The following ISG20L2 variants were observed in gnomAD, a reference collection of about 807,000 sequenced individuals.
ISG20L2 encodes the protein interferon stimulated exonuclease gene 20 like 2, also known as interferon-stimulated 20 kDa exonuclease-like 2.
A neutral mutation model predicts 27.8 loss-of-function variants in ISG20L2; 14 were observed. The ratio of observed to expected loss-of-function variants is 0.50; its 90% CI spans 0.33 to 0.79. ISG20L2 has a LOEUF of 0.79. Among genes scored for constraint, ISG20L2 ranks in the 30% least tolerant of loss-of-function variants. The pLI is 0.02. For missense variants in ISG20L2, 393 were observed against 435.1 expected (o/e 0.90, Z 0.86); for synonymous variants, 157 against 165.7 (o/e 0.95, Z 0.40).
At position 156,722,810 on chromosome 1, in the gene ISG20L2, T is replaced by C. The variant is rs898701187; in HGVS notation, c.*539A>G. 6.6e-6 allele frequency: 1 copy of C among 152,112 alleles called. No homozygotes were observed. The highest frequency in any genetic ancestry group is 1.5e-5 in the Non-Finnish European group (1 of 68,260). The allele number at this position is 152,112 out of a possible 1,614,324, so 9.4% of individuals were successfully genotyped here. On this transcript the variant is annotated 3_prime_UTR_variant, in exon 4 of 4. Transcript: ENST00000368219. ...TAGTAGAGAACGGGAATTCGCCATG[T>C]TGGCCAGGCTGGTCTTGAACTCCTG...
At position 156,727,336 on chromosome 1, in the gene ISG20L2, G is replaced by A; in HGVS notation, c.317C>T (p.Ser106Leu). 1 of 1,614,118 alleles carries A rather than the reference G, an allele frequency of 6.2e-7. No homozygotes were observed. The highest frequency in any genetic ancestry group is 2.2e-5 in the East Asian group (1 of 44,878). Residue 106 changes from serine (S) to leucine (L), a missense_variant, in exon 2 of 4, where the codon TCA (serine) becomes TTA (leucine). This residue lies in a region of ISG20L2 where 183 missense variants were observed against 168.2 expected (regional missense o/e 1.09). Transcript: ENST00000368219. ...AAVSWLTPAPSKKADSVAAKV... is the reference protein window; with the variant it reads ...AAVSWLTPAPLKKADSVAAKV... ...AGCAGCAACAGAATCAGCCTTTTTTGAAGGGGCAGGGGTCAACCAAGACAC... is the reference window on the plus strand; with the variant it reads ...AGCAGCAACAGAATCAGCCTTTTTTAAAGGGGCAGGGGTCAACCAAGACAC...
rs796722909 is a variant in ISG20L2, at chr1:156,724,957, G to GT, written c.748-610dup. 8.1e-3 allele frequency: 1,173 copies of GT among 145,158 alleles called. 6 individuals are homozygous for GT. Among genetic ancestry groups the GT allele is most frequent in the South Asian group, 0.016 (74 of 4,566 alleles). The allele number at this position is 145,158 out of a possible 1,614,324, so 9.0% of individuals were successfully genotyped here. A position where few individuals can be genotyped will look rare whatever the true frequency, so the allele number is the denominator to read the frequency against. On this transcript the variant is annotated intron_variant, in intron 2 of 3. Coordinates refer to ENST00000368219, the MANE Select transcript of ISG20L2 (RefSeq NM_001370150.2). ...TAACTTCTCAATATTTCAGGAAACT[G>GT]TTTTTTTTTTTTGAGATGGAGTCTT...
chr1:156,724,420 C>A, intron 2 of ISG20L2, 72 bp from the exon 3 acceptor site: 1 of 1,443,242 alleles, frequency 6.9e-7, no homozygotes, highest in Non-Finnish European at 9.4e-7. Context: ...GAAAGCCCAA[C>A]ATGACCATCA....
Position 156,727,240 on chromosome 1 carries a change from T to C in ISG20L2, c.413A>G (p.Lys138Arg), listed in dbSNP as rs771779690. 3.1e-6 allele frequency: 5 copies of C among 1,614,050 alleles called. No individual in the cohort carries two copies. The highest frequency in any genetic ancestry group is 2.2e-5 in the South Asian group (2 of 91,078). ...KINSHPTRSQKKSSQKKSSKK... is the reference protein window; with the variant it reads ...KINSHPTRSQRKSSQKKSSKK... Reference sequence around the variant, plus strand: ...AGAGGATTTCTTCTGGGAGCTCTTCTTCTGAGAGCGGGTTGGGTGGCTATT... The same window carrying C: ...AGAGGATTTCTTCTGGGAGCTCTTCCTCTGAGAGCGGGTTGGGTGGCTATT... The change falls in exon 2 of 4, where the codon AAG (lysine) becomes AGG (arginine). Residue 138 changes from lysine to arginine, a missense_variant. Physicochemically the swap from Lys to Arg is conservative, Grantham distance 26 (BLOSUM62 2). Coordinates refer to ENST00000368219, the MANE Select transcript of ISG20L2 (RefSeq NM_001370150.2).
At chr1:156,725,768 G>C (rs1648725651) in intron 2 of ISG20L2, 1 of 657,982 alleles carries the variant, frequency 1.5e-6, no homozygotes, top group Non-Finnish European at 1.9e-6. Context: ...CCCATCTTCT[G>C]CCTCTCCTAT....
intron 2 of ISG20L2, 154 bp downstream of exon 2, chr1:156,726,752 T>A: frequency 1.0e-6 from 1 of 985,422 alleles, no homozygotes; most frequent in Non-Finnish European, 1.2e-6. Context: ...CACTGCTTCT[T>A]CCACCGACAG....
rs2102627192 is a variant in ISG20L2 at position 156,727,376 on chromosome 1, C to T, written c.277G>A (p.Asp93Asn). ...ASSNGSGQPL[D>N]KKAAVSWLTP... is the part of the protein sequence containing the mutation. ...AACCAAGACACTGCAGCTTTCTTGT[C>T]CAGGGGCTGTCCTGACCCATTGCTG... The change falls in exon 2 of 4, where the codon GAC (aspartate) becomes AAC (asparagine). Residue 93 changes from aspartate (D) to asparagine (N), a missense_variant. Around this residue, in one of 3 missense-constraint regions of ISG20L2, gnomAD observed 183 missense variants for 168.2 expected, o/e 1.09. Transcript: ENST00000368219. The T allele has an allele frequency of 6.2e-7, 1 of 1,614,146 alleles. No homozygotes were observed. The highest frequency in any genetic ancestry group is 2.2e-5 in the East Asian group (1 of 44,888).
Position 156,724,287 on chromosome 1 carries a change from G to A in ISG20L2, c.809C>T (p.Ala270Val), listed in dbSNP as rs762328954. The A allele has an allele frequency of 3.1e-6, 5 of 1,614,062 alleles. No individual in the cohort carries two copies. Among genetic ancestry groups the A allele is most frequent in the Non-Finnish European group, 4.2e-6 (5 of 1,179,930 alleles). The change falls in exon 3 of 4, where the codon GCC becomes GTC. Residue 270 changes from alanine to valine, a missense_variant. Physicochemically the swap from Ala to Val is moderately conservative, Grantham distance 64. Coordinates refer to ENST00000368219, the MANE Select transcript of ISG20L2 (RefSeq NM_001370150.2). ...GGACTTGGGGTGAAAGTACTGAAGG[G>A]CTTTGAAGTCGTTGTGGATGGCATG... ...VGHAIHNDFKALQYFHPKSLT... is the reference protein window; with the variant it reads ...VGHAIHNDFKVLQYFHPKSLT...
At chr1:156,725,832 T>C in intron 2 of ISG20L2, 2 of 978,032 alleles carry the variant, frequency 2.0e-6, no homozygotes, top group Non-Finnish European at 2.4e-6. Context: ...CTTCTTTCCG[T>C]CTTTTCTAAA....
In ISG20L2 at chr1:156,723,231, C is replaced by G. The variant is rs1648610694; in HGVS notation, c.*118G>C. 7.8e-7 allele frequency: 1 copy of G among 1,286,176 alleles called. No homozygotes were observed. The highest frequency in any genetic ancestry group is 1.1e-6 in the Non-Finnish European group (1 of 913,450). 79.7% of individuals were successfully genotyped at this position (1,286,176 alleles called of 1,614,324 possible). On this transcript the variant is annotated 3_prime_UTR_variant, in exon 4 of 4. Coordinates refer to ENST00000368219, the MANE Select transcript of ISG20L2 (RefSeq NM_001370150.2). ...GTATTAAGTCTGGGGTAGAGCTTCT[C>G]TCTCCCCAAATCTAGCTTCCAAAGA...
chr1:156,726,495 C>G (rs1310400831), intron 2 of ISG20L2: 6 of 863,384 alleles, frequency 6.9e-6, no homozygotes, highest in Non-Finnish European at 8.3e-6. Context: ...GTGGTGTGAT[C>G]TCAGCTCACT....
At chr1:156,726,241 T>C (rs1268677966) in intron 2 of ISG20L2, 1 of 985,222 alleles carries the variant, frequency 1.0e-6, no homozygotes, top group East Asian at 1.1e-4. Context: ...AGGCTACTTT[T>C]TGCTTGGGAC....
chr1:156,726,262 C>A lies in ISG20L2; in HGVS notation c.747+644G>T, dbSNP rs1409431526. 3.0e-6 allele frequency: 3 copies of A among 985,306 alleles called. No homozygotes were observed. The African/African-American group carries it at 5.2e-5, about 17-fold the overall frequency. The allele number at this position is 985,306 out of a possible 1,614,324, so 61.0% of individuals were successfully genotyped here. On this transcript the variant is annotated intron_variant, in intron 2 of 3. Transcript: ENST00000368219. ...CTTTTTGCTTGGGACGAGCTCTCCACCTTTCCTCTCTCAAGCTTAGGCTCC... is the reference window on the plus strand; with the variant it reads ...CTTTTTGCTTGGGACGAGCTCTCCAACTTTCCTCTCTCAAGCTTAGGCTCC...
chr1:156,727,479 A>T lies in ISG20L2; in HGVS notation c.174T>A (p.Pro58=). 6.2e-7 allele frequency: 1 copy of T among 1,613,966 alleles called. No individual in the cohort carries two copies. Among genetic ancestry groups the T allele is most frequent in the Non-Finnish European group, 8.5e-7 (1 of 1,179,972 alleles). Residue 58 remains proline, a synonymous_variant, in exon 2 of 4, where the codon CCT becomes CCA. Transcript: ENST00000368219. ...CCGTAGGAGTTTCCCCTTTCTTTGAAGGTTCAGAGTGCAACTTAGGCGCCT... is the reference window on the plus strand; with the variant it reads ...CCGTAGGAGTTTCCCCTTTCTTTGATGGTTCAGAGTGCAACTTAGGCGCCT... ...PSKAPKLHSE[P]SKKGETPTVD... is the part of the protein sequence containing the mutation.
Position 156,727,811 on chromosome 1 carries a change from G to C in ISG20L2, c.-117-42C>G, listed in dbSNP as rs546855223. The C allele has an allele frequency of 2.1e-6, 3 of 1,449,356 alleles. No individual in the cohort carries two copies. The African/African-American group carries it at 4.2e-5, about 20-fold the overall frequency. 89.8% of individuals were successfully genotyped at this position (1,449,356 alleles called of 1,614,324 possible). The stretch of plus-strand genomic sequence containing the variant: ...TCCTGGTAATTGAGCTCCTAGGCCT[G>C]GGAGAAAAATGAGGTAAGCTCGATC... On this transcript the variant is annotated intron_variant, in intron 1 of 3. Coordinates refer to ENST00000368219, the MANE Select transcript of ISG20L2 (RefSeq NM_001370150.2).
rs767108809 is a variant in ISG20L2 at position 156,726,951 on chromosome 1, C to T, written c.702G>A (p.Lys234=). 4 of 1,614,218 alleles carry T rather than the reference C, an allele frequency of 2.5e-6. No individual in the cohort carries two copies. The highest frequency in any genetic ancestry group is 3.4e-6 in the Non-Finnish European group (4 of 1,180,026). Residue 234 remains lysine (K), a synonymous_variant, in exon 2 of 4, where the codon AAG becomes AAA. Coordinates refer to ENST00000368219, the MANE Select transcript of ISG20L2 (RefSeq NM_001370150.2). The part of the protein sequence containing the change: ...DYRTRWSGIR[K]QHMVNATPFK... Reference sequence around the variant, plus strand: ...AGGGTGTGGCATTCACCATGTGCTGCTTCCGGATACCACTCCACCTGGTTC... The same window carrying T: ...AGGGTGTGGCATTCACCATGTGCTGTTTCCGGATACCACTCCACCTGGTTC...
chr1:156,726,979 T>G lies in ISG20L2; in HGVS notation c.674A>C (p.Tyr225Ser). The G allele has an allele frequency of 6.2e-7, 1 of 1,614,224 alleles. No individual in the cohort carries two copies. Among genetic ancestry groups the G allele is most frequent in the Non-Finnish European group, 8.5e-7 (1 of 1,180,032 alleles). Reference protein sequence around the residue: ...YILPPCHIVDYRTRWSGIRKQ... With the variant: ...YILPPCHIVDSRTRWSGIRKQ... ...CCGGATACCACTCCACCTGGTTCGGTAGTCCACAATGTGGCAGGGGGGAAG... is the reference window on the plus strand; with the variant it reads ...CCGGATACCACTCCACCTGGTTCGGGAGTCCACAATGTGGCAGGGGGGAAG... The change falls in exon 2 of 4, where the codon TAC becomes TCC. Residue 225 changes from tyrosine to serine, a missense_variant. Tyr to Ser is a moderately radical substitution (Grantham distance 144). Coordinates refer to ENST00000368219, the MANE Select transcript of ISG20L2 (RefSeq NM_001370150.2).
rs1648619447 is a variant in ISG20L2 at position 156,723,386 on chromosome 1, C to T, written c.1025G>A (p.Trp342Ter). The change falls in exon 4 of 4, where the codon TGG becomes TAG. Residue 342 changes from tryptophan to a stop codon, truncating the protein, a stop_gained. Transcript: ENST00000368219. LOFTEE classifies it high-confidence loss of function. ...GGGATTCCGGGCTAGGTGCTCTTCC[C>T]ACTCGACTTCAACCAACTTATATAG... Reference protein sequence around the residue: ...MELYKLVEVEWEEHLARNPPT... With the variant: ...MELYKLVEVE 1.2e-6 allele frequency: 2 copies of T among 1,614,202 alleles called. No homozygotes were observed. Among genetic ancestry groups the T allele is most frequent in the African/African-American group, 2.7e-5 (2 of 75,042 alleles).
At chr1:156,726,070 TGGCCAGCACAG>T (rs1648744829) in intron 2 of ISG20L2, 1 of 985,328 alleles carries the variant, frequency 1.0e-6, no homozygotes. Context: ...TTGCGCTCCA[TGGCCAGCACAG>T]GGCTAGGAGT....
Sources: allele counts gnomAD v4.1 joint callset, GRCh38; gene constraint gnomAD v4.1.1; regional missense constraint gnomAD v4.1.1; transcripts MANE v1.5; gene names NCBI Gene and HGNC (gene_info 2026-07-23, HGNC 2026-07-21).